DMRTA2: variants seen among roughly 807,000 people sequenced by gnomAD.
DMRTA2 encodes the protein DMRT like family A2.
DMRTA2 carries 10 observed loss-of-function variants against 29.7 expected under a neutral mutation model. That is an observed-to-expected ratio of 0.34 (90% CI 0.21 to 0.57). The LOEUF is 0.57. Ranked by LOEUF, DMRTA2 falls within the 20% of genes least tolerant of loss-of-function variation. The pLI is 0.87. For missense variants in DMRTA2, 783 were observed against 812.1 expected (o/e 0.96, Z 0.44); for synonymous variants, 469 against 402.6 (o/e 1.16, Z -1.97).
In DMRTA2 at chr1:50,419,584, G is replaced by A; in HGVS notation, c.710C>T (p.Ser237Leu). Residue 237 changes from serine (S) to leucine (L), a missense_variant, in exon 3 of 3, where the codon TCA (serine) becomes TTA (leucine). Coordinates refer to ENST00000404795, the MANE Select transcript of DMRTA2 (RefSeq NM_032110.3). The surrounding 1 kb of genome is among the most constrained non-coding windows in gnomAD (Gnocchi z 6.1). ...GTSSPEVRPG[S>L]GSENGDGESF... ...CTCGCCATCGCCGTTCTCCGAGCCT[G>A]AGCCGGGCCGCACCTCTGGGGACGA... 3 of 1,556,168 alleles carry A rather than the reference G, an allele frequency of 1.9e-6. No individual in the cohort carries two copies. The highest frequency in any genetic ancestry group is 1.2e-5 in the South Asian group (1 of 83,162).
Position 50,421,190 on chromosome 1 carries a change from C to A in DMRTA2, c.347G>T (p.Arg116Leu). 6.5e-7 allele frequency: 1 copy of A among 1,537,936 alleles called. No homozygotes were observed. Among genetic ancestry groups the A allele is most frequent in the Non-Finnish European group, 8.8e-7 (1 of 1,142,208 alleles). Residue 116 changes from arginine to leucine, a missense_variant, in exon 2 of 3, where the codon CGC becomes CTC. Physicochemically the swap from Arg to Leu is moderately radical, Grantham distance 102. Coordinates refer to ENST00000404795, the MANE Select transcript of DMRTA2 (RefSeq NM_032110.3). The surrounding 1 kb of genome is among the most constrained non-coding windows in gnomAD (Gnocchi z 8.7). Reference protein sequence around the residue: ...QRVMAAQVALRRQQAQEENEA... With the variant: ...QRVMAAQVALLRQQAQEENEA... ...GTTCTCCTCCTGCGCCTGCTGCCTG[C>A]GCAGCGCCACCTGCGCCGCCATGAC...
Position 50,419,668 on chromosome 1 carries a change from G to T in DMRTA2, c.626C>A (p.Pro209Gln), listed in dbSNP as rs781012345. ...TAAGGGCTTCACCGGCGGCGGCAGCGGGCTGCCCGGGCGGCCTGCCTGCAG... is the reference window on the plus strand; with the variant it reads ...TAAGGGCTTCACCGGCGGCGGCAGCTGGCTGCCCGGGCGGCCTGCCTGCAG... ...TLLQAGRPGS[P>Q]LPPPVKPLSP... Residue 209 changes from proline (P) to glutamine (Q), a missense_variant, in exon 3 of 3, where the codon CCG becomes CAG. Physicochemically the swap from Pro to Gln is moderately conservative, Grantham distance 76. Coordinates refer to ENST00000404795, the MANE Select transcript of DMRTA2 (RefSeq NM_032110.3). This position sits in a 1 kb window ranked among gnomAD's most constrained non-coding sequence, Gnocchi z 6.1. 1 of 1,495,366 alleles carries T rather than the reference G, an allele frequency of 6.7e-7. No individual in the cohort carries two copies. Among genetic ancestry groups the T allele is most frequent in the East Asian group, 2.6e-5 (1 of 39,188 alleles). The allele number at this position is 1,495,366 out of a possible 1,614,324, so 92.6% of individuals were successfully genotyped here.
Position 50,421,735 on chromosome 1 carries a change from A to C in DMRTA2, c.-8-191T>G. On this transcript the variant is annotated intron_variant, in intron 1 of 2. Coordinates refer to ENST00000404795, the MANE Select transcript of DMRTA2 (RefSeq NM_032110.3). The surrounding 1 kb of genome is among the most constrained non-coding windows in gnomAD (Gnocchi z 8.7). ...TTGTGAGCCCTAGCACCTTCACCCC[A>C]GTCTGGCCATGGCTGCTCTTAGACC... 1 of 518,508 alleles carries C rather than the reference A, an allele frequency of 1.9e-6. No individual in the cohort carries two copies. The highest frequency in any genetic ancestry group is 2.9e-6 in the Non-Finnish European group (1 of 346,708). 32.1% of individuals were successfully genotyped at this position (518,508 alleles called of 1,614,324 possible). A position where few individuals can be genotyped will look rare whatever the true frequency, so the allele number is the denominator to read the frequency against.
chr1:50,418,545 A>T lies in DMRTA2; in HGVS notation c.*120T>A. ...CTAAACAAAACCCAAAAACCACCTT[A>T]GAGTGAGAAGACGCCCAGCCAGGGC... On this transcript the variant is annotated 3_prime_UTR_variant, in exon 3 of 3. Coordinates refer to ENST00000404795, the MANE Select transcript of DMRTA2 (RefSeq NM_032110.3). The T allele has an allele frequency of 1.2e-6, 1 of 856,690 alleles. No homozygotes were observed. The highest frequency in any genetic ancestry group is 1.6e-6 in the Non-Finnish European group (1 of 628,114). 53.1% of individuals were successfully genotyped at this position (856,690 alleles called of 1,614,324 possible).
In DMRTA2 at chr1:50,419,454, G is replaced by A. The variant is rs983679144; in HGVS notation, c.840C>T (p.Ser280=). 6.3e-7 allele frequency: 1 copy of A among 1,598,174 alleles called. No homozygotes were observed. Among genetic ancestry groups the A allele is most frequent in the Non-Finnish European group, 8.5e-7 (1 of 1,178,208 alleles). The change falls in exon 3 of 3, where the codon TCC becomes TCT. Residue 280 remains serine (S), a synonymous_variant. Coordinates refer to ENST00000404795, the MANE Select transcript of DMRTA2 (RefSeq NM_032110.3). This position sits in a 1 kb window ranked among gnomAD's most constrained non-coding sequence, Gnocchi z 6.1. ...CGGATTCAGAGCCCAGAGGGCTAGCGGAGCCCGGGCTGTCCTCCTCGCCGC... is the reference window on the plus strand; with the variant it reads ...CGGATTCAGAGCCCAGAGGGCTAGCAGAGCCCGGGCTGTCCTCCTCGCCGC... ...GGGGEEDSPG[S]ASPLGSESGS...
chr1:50,419,021 C>T lies in DMRTA2; in HGVS notation c.1273G>A (p.Ala425Thr), dbSNP rs1428096673. 5 of 1,392,636 alleles carry T rather than the reference C, an allele frequency of 3.6e-6. No individual in the cohort carries two copies. The highest frequency in any genetic ancestry group is 4.6e-6 in the Non-Finnish European group (5 of 1,079,620). The allele number at this position is 1,392,636 out of a possible 1,614,324, so 86.3% of individuals were successfully genotyped here. Residue 425 changes from alanine (A) to threonine (T), a missense_variant, in exon 3 of 3, where the codon GCG (alanine) becomes ACG (threonine). Ala to Thr is a moderately conservative substitution (Grantham distance 58). Coordinates refer to ENST00000404795, the MANE Select transcript of DMRTA2 (RefSeq NM_032110.3). The surrounding 1 kb of genome is among the most constrained non-coding windows in gnomAD (Gnocchi z 6.1). ...CTCAGCGAGCCCAGCGCCCCAGGCG[C>T]CATGGCGCCGGCCAGCAAGGGTCTG... Reference protein sequence around the residue: ...HHRPLLAGAMAPGALGSLSSR... With the variant: ...HHRPLLAGAMTPGALGSLSSR...
At position 50,419,676 on chromosome 1, in the gene DMRTA2, C is replaced by A; in HGVS notation, c.618G>T (p.Pro206=). ...TCACCGGCGGCGGCAGCGGGCTGCC[C>A]GGGCGGCCTGCCTGCAGCAGCGTCT... The part of the protein sequence containing the change: ...FPKTLLQAGR[P]GSPLPPPVKP... The change falls in exon 3 of 3, where the codon CCG becomes CCT. Residue 206 remains proline, a synonymous_variant. Transcript: ENST00000404795. This position sits in a 1 kb window ranked among gnomAD's most constrained non-coding sequence, Gnocchi z 6.1. 1 of 1,496,070 alleles carries A rather than the reference C, an allele frequency of 6.7e-7. No individual in the cohort carries two copies. Among genetic ancestry groups the A allele is most frequent in the Non-Finnish European group, 8.9e-7 (1 of 1,126,818 alleles). The allele number at this position is 1,496,070 out of a possible 1,614,324, so 92.7% of individuals were successfully genotyped here.
Position 50,419,002 on chromosome 1 carries a change from G to T in DMRTA2, c.1292C>A (p.Ser431Ter). The part of the protein sequence containing the change: ...AGAMAPGALG[S>*]LSSRSAFSPL... ...CGAGAAGGCCGAGCGGCTGCTCAGC[G>T]AGCCCAGCGCCCCAGGCGCCATGGC... The change falls in exon 3 of 3, where the codon TCG becomes TAG. Residue 431 changes from serine (S) to a stop codon, truncating the protein, a stop_gained. Coordinates refer to ENST00000404795, the MANE Select transcript of DMRTA2 (RefSeq NM_032110.3). LOFTEE classifies it high-confidence loss of function. This position sits in a 1 kb window ranked among gnomAD's most constrained non-coding sequence, Gnocchi z 6.1. 1 of 1,416,120 alleles carries T rather than the reference G, an allele frequency of 7.1e-7. No individual in the cohort carries two copies. The highest frequency in any genetic ancestry group is 9.2e-7 in the Non-Finnish European group (1 of 1,090,894). The allele number at this position is 1,416,120 out of a possible 1,614,324, so 87.7% of individuals were successfully genotyped here.
Position 50,423,364 on chromosome 1 carries a change from C to T in DMRTA2, c.-257G>A, listed in dbSNP as rs909279622. ...TTGGAACCCGCGACCTGACTCTCGC[C>T]GTGCCGGGTCCCCTCGCGGTGCGCG... On this transcript the variant is annotated 5_prime_UTR_variant, in exon 1 of 3. Transcript: ENST00000404795. 6.6e-6 allele frequency: 1 copy of T among 152,216 alleles called. No homozygotes were observed. The highest frequency in any genetic ancestry group is 1.5e-5 in the Non-Finnish European group (1 of 68,046). 9.4% of individuals were successfully genotyped at this position (152,216 alleles called of 1,614,324 possible).
At position 50,418,937 on chromosome 1, in the gene DMRTA2, C is replaced by G; in HGVS notation, c.1357G>C (p.Gly453Arg). 1 of 1,439,438 alleles carries G rather than the reference C, an allele frequency of 6.9e-7. No homozygotes were observed. The highest frequency in any genetic ancestry group is 1.5e-5 in the African/African-American group (1 of 66,516). The allele number at this position is 1,439,438 out of a possible 1,614,324, so 89.2% of individuals were successfully genotyped here. A position where few individuals can be genotyped will look rare whatever the true frequency, so the allele number is the denominator to read the frequency against. Residue 453 changes from glycine (G) to arginine (R), a missense_variant, in exon 3 of 3, where the codon GGC becomes CGC. Coordinates refer to ENST00000404795, the MANE Select transcript of DMRTA2 (RefSeq NM_032110.3). Reference protein sequence around the residue: ...PNASHFGADAGAYPLGAPLGL... With the variant: ...PNASHFGADARAYPLGAPLGL... ...AGCGGCGCGCCCAGCGGGTAGGCGC[C>G]CGCGTCGGCACCGAAGTGACTGGCG...
Position 50,421,486 on chromosome 1 carries a change from C to T in DMRTA2, c.51G>A (p.Ala17=), listed in dbSNP as rs1014677944. 4.7e-6 allele frequency: 6 copies of T among 1,272,054 alleles called. No homozygotes were observed. The highest frequency in any genetic ancestry group is 4.9e-6 in the Non-Finnish European group (5 of 1,015,372). 78.8% of individuals were successfully genotyped at this position (1,272,054 alleles called of 1,614,324 possible). A position where few individuals can be genotyped will look rare whatever the true frequency, so the allele number is the denominator to read the frequency against. Residue 17 remains alanine, a synonymous_variant, in exon 2 of 3, where the codon GCG becomes GCA. Transcript: ENST00000404795. This position sits in a 1 kb window ranked among gnomAD's most constrained non-coding sequence, Gnocchi z 8.7. ...CAGGCGGCCCCGTCGCTGTTGCCGCCGCCGCCGTCGCCGCGCCGGGCACGC... is the reference window on the plus strand; with the variant it reads ...CAGGCGGCCCCGTCGCTGTTGCCGCTGCCGCCGTCGCCGCGCCGGGCACGC... ...LPSVPGAATA[A]AATATGPPVA...
At position 50,422,404 on chromosome 1, in the gene DMRTA2, G is replaced by A. The variant is rs533824117; in HGVS notation, c.-9+712C>T. 7.9e-5 allele frequency among the ~76,000 whole-genome samples: 12 copies of A among 152,300 alleles called. No homozygotes were observed. In the South Asian group the frequency reaches 2.5e-3, roughly 32 times the overall value. On this transcript the variant is annotated intron_variant, in intron 1 of 2. Coordinates refer to ENST00000404795, the MANE Select transcript of DMRTA2 (RefSeq NM_032110.3). This position sits in a 1 kb window ranked among gnomAD's most constrained non-coding sequence, Gnocchi z 5.7. Reference sequence around the variant, plus strand: ...AACCCAGCCCAAAGATGAGCTTCATGGGCAAGGAAAACAGTGAAAAGCAGC... The same window carrying A: ...AACCCAGCCCAAAGATGAGCTTCATAGGCAAGGAAAACAGTGAAAAGCAGC...
rs1028923250 is a variant in DMRTA2, at chr1:50,419,285, G to T, written c.1009C>A (p.Gln337Lys). ...HRRGVLELVL[Q>K]GCGGDVVQAI... is the part of the protein sequence containing the mutation. ...TGCACCACGTCGCCGCCGCAGCCCT[G>T]CAACACCAGCTCCAGGACGCCTCGC... The change falls in exon 3 of 3, where the codon CAG (glutamine) becomes AAG (lysine). Residue 337 changes from glutamine (Q) to lysine (K), a missense_variant. Transcript: ENST00000404795. The surrounding 1 kb of genome is among the most constrained non-coding windows in gnomAD (Gnocchi z 6.1). 1.3e-6 allele frequency: 2 copies of T among 1,594,168 alleles called. No individual in the cohort carries two copies. The highest frequency in any genetic ancestry group is 1.1e-5 in the South Asian group (1 of 90,258).
rs1278532 is a variant in DMRTA2, at chr1:50,420,668, C to T, written c.559+310G>A. Among the ~76,000 whole-genome samples, 1 of 152,062 alleles carries T rather than the reference C, an allele frequency of 6.6e-6. No individual in the cohort carries two copies. Among genetic ancestry groups the T allele is most frequent in the Middle Eastern group, 3.2e-3 (1 of 316 alleles). The stretch of plus-strand genomic sequence containing the variant: ...CGAACGAAGATGCGCAGGTTTCCAC[C>T]TGGGGAGAAGACGAAGCAAAGAAGC... On this transcript the variant is annotated intron_variant, in intron 2 of 2. Transcript: ENST00000404795. This position sits in a 1 kb window ranked among gnomAD's most constrained non-coding sequence, Gnocchi z 4.1.
chr1:50,418,672 T>C lies in DMRTA2; in HGVS notation c.1622A>G (p.Lys541Arg). ...YGPMVNGAPEKQ is the reference protein window; with the variant it reads ...YGPMVNGAPERQ ...GCTGCCAGGCCCCTCGCCCTACTGC[T>C]TCTCCGGAGCGCCGTTGACCATAGG... is the stretch of plus-strand genomic sequence containing the variant. Residue 541 changes from lysine (K) to arginine (R), a missense_variant, in exon 3 of 3, where the codon AAG becomes AGG. Physicochemically the swap from Lys to Arg is conservative, Grantham distance 26 (BLOSUM62 2). Coordinates refer to ENST00000404795, the MANE Select transcript of DMRTA2 (RefSeq NM_032110.3). 1 of 1,402,628 alleles carries C rather than the reference T, an allele frequency of 7.1e-7. No homozygotes were observed. Among genetic ancestry groups the C allele is most frequent in the Non-Finnish European group, 9.3e-7 (1 of 1,076,874 alleles). 86.9% of individuals were successfully genotyped at this position (1,402,628 alleles called of 1,614,324 possible).
chr1:50,418,943 C>A lies in DMRTA2; in HGVS notation c.1351G>T (p.Asp451Tyr). The change falls in exon 3 of 3, where the codon GAC becomes TAC. Residue 451 changes from aspartate to tyrosine, a missense_variant. By Grantham distance (160) the Asp-to-Tyr change is radical. Transcript: ENST00000404795. ...GCGCCCAGCGGGTAGGCGCCCGCGT[C>A]GGCACCGAAGTGACTGGCGTTGGGC... Reference protein sequence around the residue: ...LQPNASHFGADAGAYPLGAPL... With the variant: ...LQPNASHFGAYAGAYPLGAPL... 4.2e-6 allele frequency: 6 copies of A among 1,443,276 alleles called. No individual in the cohort carries two copies. The highest frequency in any genetic ancestry group is 4.5e-6 in the Non-Finnish European group (5 of 1,103,890). The allele number at this position is 1,443,276 out of a possible 1,614,324, so 89.4% of individuals were successfully genotyped here. A position where few individuals can be genotyped will look rare whatever the true frequency, so the allele number is the denominator to read the frequency against.
In DMRTA2 at chr1:50,422,478, T is replaced by C. The variant is rs918885665; in HGVS notation, c.-9+638A>G. On this transcript the variant is annotated intron_variant, in intron 1 of 2. Transcript: ENST00000404795. The surrounding 1 kb of genome is among the most constrained non-coding windows in gnomAD (Gnocchi z 5.7). Reference sequence around the variant, plus strand: ...GGGCCGCGCCTGGGAGAGGGGAATGTGTAAGAAAAAACCCCACAGGCAAAT... The same window carrying C: ...GGGCCGCGCCTGGGAGAGGGGAATGCGTAAGAAAAAACCCCACAGGCAAAT... Among the ~76,000 whole-genome samples, 1 of 151,940 alleles carries C rather than the reference T, an allele frequency of 6.6e-6. No homozygotes were observed. The highest frequency in any genetic ancestry group is 1.5e-5 in the Non-Finnish European group (1 of 67,966).
Position 50,419,114 on chromosome 1 carries a change from C to T in DMRTA2, c.1180G>A (p.Ala394Thr). 1 of 1,187,598 alleles carries T rather than the reference C, an allele frequency of 8.4e-7. No individual in the cohort carries two copies. Among genetic ancestry groups the T allele is most frequent in the Non-Finnish European group, 1.0e-6 (1 of 964,288 alleles). The allele number at this position is 1,187,598 out of a possible 1,614,324, so 73.6% of individuals were successfully genotyped here. The change falls in exon 3 of 3, where the codon GCC becomes ACC. Residue 394 changes from alanine to threonine, a missense_variant. This residue lies in a region of DMRTA2 where 667 missense variants were observed against 624.8 expected (regional missense o/e 1.07). Transcript: ENST00000404795. This position sits in a 1 kb window ranked among gnomAD's most constrained non-coding sequence, Gnocchi z 6.1. ...PSRVDAAAAA[A>T]AAAGGPGLPA... ...AGCCCAGGCCCCCCGGCGGCGGCGGCGGCGGCGGCGGCGGCGTCGACGCGG... is the reference window on the plus strand; with the variant it reads ...AGCCCAGGCCCCCCGGCGGCGGCGGTGGCGGCGGCGGCGGCGTCGACGCGG...
At position 50,419,064 on chromosome 1, in the gene DMRTA2, G is replaced by T; in HGVS notation, c.1230C>A (p.Pro410=). 1.6e-6 allele frequency: 2 copies of T among 1,282,594 alleles called. No homozygotes were observed. Among genetic ancestry groups the T allele is most frequent in the Admixed American group, 3.9e-5 (1 of 25,836 alleles). 79.5% of individuals were successfully genotyped at this position (1,282,594 alleles called of 1,614,324 possible). Residue 410 remains proline, a synonymous_variant, in exon 3 of 3, where the codon CCC becomes CCA. Coordinates refer to ENST00000404795, the MANE Select transcript of DMRTA2 (RefSeq NM_032110.3). This position sits in a 1 kb window ranked among gnomAD's most constrained non-coding sequence, Gnocchi z 6.1. The stretch of plus-strand genomic sequence containing the variant: ...AGGGTCTGTGGTGCGGAGGTGCGGC[G>T]GGCCCCGCCTGCAGCGGCGCAGGCA... ...PGLPAPLQAG[P]AAPPHHRPLL...
Sources: allele counts gnomAD v4.1 joint callset (sites outside exome capture counted in the v4.1 genomes callset), GRCh38; gene constraint gnomAD v4.1.1; regional missense constraint gnomAD v4.1.1; non-coding constraint Gnocchi (gnomAD v3.1); transcripts MANE v1.5; gene names NCBI Gene and HGNC (gene_info 2026-07-23, HGNC 2026-07-21).